Variants in KIF7 observed in about 807,000 individuals in gnomAD.
The protein encoded by KIF7 is kinesin family member 7.
Under a neutral mutation model 135.7 loss-of-function variants are expected in KIF7, and 104 were observed. The observed-to-expected ratio is 0.77, with a 90% CI of 0.65 to 0.90. The LOEUF (loss-of-function observed/expected upper bound fraction) is 0.90. Ranked by LOEUF, KIF7 falls within the 40% of genes least tolerant of loss-of-function variation. The pLI is 0.00. For synonymous variants in KIF7, 883 were observed against 809.4 expected (o/e 1.09, Z -1.54); for missense variants, 2,005 against 1,839.1 (o/e 1.09, Z -1.65).
rs371062109 is a variant in KIF7, at chr15:89,632,788, A to ACCTGGCAGGATCTCT, written c.2895+17_2895+31dup. The ACCTGGCAGGATCTCT allele has an allele frequency of 1.7e-5, 27 of 1,591,278 alleles. No homozygotes were observed. In the African/African-American group the frequency reaches 3.5e-4, roughly 21 times the overall value. Reference sequence around the variant, plus strand: ...GCTGGACCTCACTTCACTGGACCTCACCTGGCAGGATCTCTCCTGGCAGGG... The same window carrying ACCTGGCAGGATCTCT: ...GCTGGACCTCACTTCACTGGACCTCACCTGGCAGGATCTCTCCTGGCAGGATCTCTCCTGGCAGGG... On this transcript the variant is annotated intron_variant, in intron 14 of 18. Transcript: ENST00000394412.
chr15:89,647,922 T>C (rs535658785), intron 5 of KIF7, among the ~76,000 whole-genome samples: 12 of 152,296 alleles, frequency 7.9e-5, no homozygotes, highest in African/African-American at 2.9e-4. Flanking sequence ...TAATTATCCA[T>C]CGTATTTGTA....
At chr15:89,656,725 C>CATCTGA (rs1369690810), upstream of KIF7, among the ~76,000 whole-genome samples, 12 of 152,126 alleles carry the variant, frequency 7.9e-5, no homozygotes, top group Non-Finnish European at 1.3e-4. Context: ...GCCATTTCCT[C>CATCTGA]CAATAGACAA....
At chr15:89,649,570 G>T (rs931760336) in intron 3 of KIF7, among the ~76,000 whole-genome samples, 171 bp downstream of exon 3, 1 of 152,164 alleles carries the variant, frequency 6.6e-6, no homozygotes, top group African/African-American at 2.4e-5. Flanking sequence ...CTCACTCTGG[G>T]TATAGAAGCA....
rs766347192 is a variant in KIF7, at chr15:89,632,936, G to T, written c.2779C>A (p.Arg927=). ...QEMEKVLQQR[R]ALEELGEELH... ...TCCTCCCCCAGCTCCTCCAGCGCCC[G>T]CCGCTGCTGTAGCACCTTCTCCATC... The change falls in exon 14 of 19, where the codon CGG becomes AGG. Residue 927 remains arginine, a synonymous_variant. Coordinates refer to ENST00000394412, the MANE Select transcript of KIF7 (RefSeq NM_198525.3). 3.8e-6 allele frequency: 6 copies of T among 1,587,400 alleles called. No individual in the cohort carries two copies. Among genetic ancestry groups the T allele is most frequent in the Non-Finnish European group, 5.1e-6 (6 of 1,167,562 alleles).
At chr15:89,642,067 C>T in intron 11 of KIF7, 136 bp downstream of exon 11, 3 of 901,792 alleles carry the variant, frequency 3.3e-6, no homozygotes, top group Non-Finnish European at 5.1e-6. Context: ...ACCAGCCTCA[C>T]CCTGCAGGGC....
downstream of KIF7, chr15:89,624,051 T>A (rs1215894195): frequency 6.2e-7 from 1 of 1,613,514 alleles, no homozygotes; most frequent in Non-Finnish European, 8.5e-7. Context: ...TCAGAGACCC[T>A]CTCAGAACAC....
chr15:89,628,655 G>C lies in KIF7; in HGVS notation c.3796C>G (p.Arg1266Gly). The C allele has an allele frequency of 1.2e-6, 2 of 1,613,236 alleles. No homozygotes were observed. The highest frequency in any genetic ancestry group is 1.7e-6 in the Non-Finnish European group (2 of 1,179,968). The change falls in exon 19 of 19, where the codon CGG becomes GGG. Residue 1266 changes from arginine to glycine, a missense_variant. By Grantham distance (125) the Arg-to-Gly change is moderately radical. Coordinates refer to ENST00000394412, the MANE Select transcript of KIF7 (RefSeq NM_198525.3). ...GGTAACGGAGCGTGGACCAAGTCCC[G>C]CGTCTCCTCCCGGGTGCGGGGGGCC... The part of the protein sequence containing the change: ...EGAPRTREET[R>G]DLVHAPLPLT...
chr15:89,630,732 C>T lies in KIF7; in HGVS notation c.3112-239G>A, dbSNP rs115883288. Reference sequence around the variant, plus strand: ...TCAACTGCAAGCCTCTGTGAATGATCTACATTCAGGAAGTTCAGAGCACCC... The same window carrying T: ...TCAACTGCAAGCCTCTGTGAATGATTTACATTCAGGAAGTTCAGAGCACCC... On this transcript the variant is annotated intron_variant, in intron 15 of 18. Transcript: ENST00000394412. 1.2e-3 allele frequency: 707 copies of T among 585,830 alleles called. 12 individuals carry two copies. In the African/African-American group the frequency reaches 0.012, roughly 10 times the overall value. 36.3% of individuals were successfully genotyped at this position (585,830 alleles called of 1,614,324 possible).
chr15:89,659,951 G>A (rs1443506870), upstream of KIF7, among the ~76,000 whole-genome samples: 1 of 152,214 alleles, frequency 6.6e-6, no homozygotes, highest in East Asian at 1.9e-4. Context: ...AATCCCAGCT[G>A]TTCGGGGGAC....
chr15:89,626,105 G>C, downstream of KIF7: 1 of 1,599,048 alleles, frequency 6.3e-7, no homozygotes, highest in Non-Finnish European at 8.5e-7. Context: ...GTGACAGACT[G>C]TCTGAATTCA....
rs373864613 is a variant in KIF7, at chr15:89,630,504, G to A, written c.3112-11C>T. ...CAGCGTCCGCTCCTCCTGCAGAGAC[G>A]GGCACGCGTGGAGGAACAGCACCCA... On this transcript the variant is annotated splice_polypyrimidine_tract_variant and intron_variant, in intron 15 of 18. Transcript: ENST00000394412. 14 of 1,009,864 alleles carry A rather than the reference G, an allele frequency of 1.4e-5. No homozygotes were observed. The highest frequency in any genetic ancestry group is 6.5e-5 in the African/African-American group (2 of 30,780). The allele number at this position is 1,009,864 out of a possible 1,614,324, so 62.6% of individuals were successfully genotyped here. A position where few individuals can be genotyped will look rare whatever the true frequency, so the allele number is the denominator to read the frequency against.
At chr15:89,657,872 A>C (rs994848932), upstream of KIF7, among the ~76,000 whole-genome samples, 1 of 152,258 alleles carries the variant, frequency 6.6e-6, no homozygotes, top group East Asian at 1.9e-4. Flanking sequence ...AAGTTGCAAA[A>C]GACACTTGCA....
downstream of KIF7, chr15:89,625,602 C>G (rs778803965): frequency 1.9e-6 from 3 of 1,613,180 alleles, no homozygotes; most frequent in Non-Finnish European, 8.5e-7. Flanking sequence ...AAGCCTCTTC[C>G]TGGGGACAGT....
intron 11 of KIF7, among the ~76,000 whole-genome samples, chr15:89,636,111 T>A (rs1215501960): frequency 2.0e-5 from 3 of 152,108 alleles, no homozygotes; most frequent in African/African-American, 7.2e-5. Flanking sequence ...TAAAATACTT[T>A]ACAGACAAGC....
chr15:89,644,483 T>C (rs1412126098), intron 10 of KIF7, among the ~76,000 whole-genome samples: 1 of 150,212 alleles, frequency 6.7e-6, no homozygotes, highest in Non-Finnish European at 1.5e-5. Context: ...AACACCAGCC[T>C]GGCCAACATG....
At chr15:89,618,184 T>C in exon 2 of KIF7, 9 of 1,614,214 alleles carry the variant, frequency 5.6e-6, no homozygotes, top group Non-Finnish European at 7.6e-6. Flanking sequence ...ATTGGTGTTG[T>C]TGAAGAGTCC....
Position 89,629,561 on chromosome 15 carries a change from G to T in KIF7, c.3331C>A (p.Arg1111=), listed in dbSNP as rs778139192. ...CKYFDKVVTL[R]EEQHQQQIAF... ...ATCTGCTGCTGGTGCTGCTCCTCTC[G>T]GAGCGTCACCACCTGTCCCAAGACC... Residue 1111 remains arginine, a synonymous_variant, in exon 17 of 19, where the codon CGA becomes AGA. Transcript: ENST00000394412. 2.0e-5 allele frequency: 32 copies of T among 1,606,422 alleles called. No homozygotes were observed. The East Asian group carries it at 6.9e-4, about 35-fold the overall frequency.
chr15:89,649,877 G>C lies in KIF7; in HGVS notation c.393C>G (p.Ile131Met), dbSNP rs537169269. 3 of 1,551,772 alleles carry C rather than the reference G, an allele frequency of 1.9e-6. No homozygotes were observed. The highest frequency in any genetic ancestry group is 2.4e-5 in the East Asian group (1 of 40,922). The change falls in exon 3 of 19, where the codon ATC becomes ATG. Residue 131 changes from isoleucine (I) to methionine (M), a missense_variant. Ile to Met is a conservative substitution (Grantham distance 10). Transcript: ENST00000394412. ...GACAGTCAAGCAGGTCGTTCTCATCGATGAGCTTGAAGGCCTCGGCCATGG... is the reference window on the plus strand; with the variant it reads ...GACAGTCAAGCAGGTCGTTCTCATCCATGAGCTTGAAGGCCTCGGCCATGG... Reference protein sequence around the residue: ...PRAMAEAFKLIDENDLLDCLV... With the variant: ...PRAMAEAFKLMDENDLLDCLV...
At chr15:89,645,832 C>T in intron 8 of KIF7, 61 bp downstream of exon 8, 1 of 1,585,870 alleles carries the variant, frequency 6.3e-7, no homozygotes. Context: ...CGATCCCCAG[C>T]CTGCCTAGCC....
Sources: allele counts gnomAD v4.1 joint callset (sites outside exome capture counted in the v4.1 genomes callset), GRCh38; gene constraint gnomAD v4.1.1; transcripts MANE v1.5; gene names NCBI Gene and HGNC (gene_info 2026-07-23, HGNC 2026-07-21).